Variants in MEGF10 observed in about 807,000 individuals in gnomAD.
MEGF10 encodes multiple EGF like domains 10.
Under a neutral mutation model 147.5 loss-of-function variants are expected in MEGF10, and 86 were observed. That is an observed-to-expected ratio of 0.58 (90% confidence interval 0.49 to 0.70). MEGF10 has a LOEUF of 0.70. MEGF10 is among the 30% of genes least tolerant of loss of function. The probability of loss-of-function intolerance (pLI) is 0.00; values close to 1 mark genes in which losing one functional copy is unlikely to be tolerated. For missense variants in MEGF10, 1,329 were observed against 1,487.3 expected (o/e 0.89, Z 1.75); for synonymous variants, 478 against 525.5 (o/e 0.91, Z 1.24).
At position 127,396,773 on chromosome 5, in the gene MEGF10, A is replaced by G. The variant is rs745885631; in HGVS notation, c.654A>G (p.Gly218=). The part of the protein sequence containing the change: ...GECRCPPGYT[G]AFCEDLCPPG... ...GCCGCTGCCCACCAGGATACACCGG[A>G]GCCTTGTAAGTCACATGCTGCCCAG... The change falls in exon 6 of 25, where the codon GGA becomes GGG. Residue 218 remains glycine (G), a synonymous_variant. Coordinates refer to ENST00000503335, the MANE Select transcript of MEGF10 (RefSeq NM_001256545.2). 6.2e-7 allele frequency: 1 copy of G among 1,612,666 alleles called. No homozygotes were observed. Among genetic ancestry groups the G allele is most frequent in the Non-Finnish European group, 8.5e-7 (1 of 1,179,160 alleles).
chr5:127,247,642 G>A, the MEGF10 span, among the ~76,000 whole-genome samples: 1 of 152,000 alleles, frequency 6.6e-6, no homozygotes, highest in Non-Finnish European at 1.5e-5. Context: ...GACCATTTTA[G>A]GCATTGGAAA....
At chr5:127,307,307 C>G (rs914709073) in intron 1 of MEGF10, among the ~76,000 whole-genome samples, 6 of 152,178 alleles carry the variant, frequency 3.9e-5, no homozygotes, top group African/African-American at 1.4e-4. Context: ...GTGAACTTGA[C>G]TAGGGAGCCT....
At chr5:127,415,890 C>A (rs1250668723) in intron 9 of MEGF10, among the ~76,000 whole-genome samples, 3 of 130,404 alleles carry the variant, frequency 2.3e-5, no homozygotes, top group Non-Finnish European at 3.2e-5. Flanking sequence ...GAGAAAGACT[C>A]CATCTCAAAA....
the MEGF10 span, among the ~76,000 whole-genome samples, chr5:127,265,592 A>G: frequency 1.2e-4 from 19 of 152,068 alleles, no homozygotes; most frequent in African/African-American, 4.3e-4. Context: ...TTGTTTCCTG[A>G]CTTTTTAATG....
intron 10 of MEGF10, 141 bp downstream of exon 10, chr5:127,417,953 G>T: frequency 1.2e-6 from 1 of 846,126 alleles, no homozygotes; most frequent in Non-Finnish European, 1.7e-6. Context: ...GAAAATGAGG[G>T]GAAAAATGCT....
chr5:127,455,569 A>G lies in MEGF10; in HGVS notation c.3194A>G (p.Asn1065Ser), dbSNP rs770189857. ...ARRDSPYAEI[N>S]NSTSANRNVY... The stretch of plus-strand genomic sequence containing the variant: ...AGAGATTCCCCATATGCAGAGATCA[A>G]TAACTCAACTTCAGCCAACAGGAAT... The change falls in exon 24 of 25, where the codon AAT (asparagine) becomes AGT (serine). Residue 1065 changes from asparagine (N) to serine (S), a missense_variant. By Grantham distance (46) the Asn-to-Ser change is conservative. Transcript: ENST00000503335. 3.1e-6 allele frequency: 5 copies of G among 1,614,188 alleles called. No homozygotes were observed. Among genetic ancestry groups the G allele is most frequent in the Non-Finnish European group, 4.2e-6 (5 of 1,180,024 alleles).
the MEGF10 span, among the ~76,000 whole-genome samples, chr5:127,249,264 A>G: frequency 2.0e-5 from 3 of 152,020 alleles, no homozygotes; most frequent in East Asian, 5.8e-4. Flanking sequence ...GAAGTGTTAC[A>G]GTATTAATTA....
chr5:127,281,490 C>T, the MEGF10 span, among the ~76,000 whole-genome samples: 1 of 152,186 alleles, frequency 6.6e-6, no homozygotes, highest in African/African-American at 2.4e-5. Flanking sequence ...ATTATATCCA[C>T]TTTTTCACTC....
intron 4 of MEGF10, among the ~76,000 whole-genome samples, chr5:127,346,490 G>T (rs548666088): frequency 6.6e-6 from 1 of 152,140 alleles, no homozygotes; most frequent in East Asian, 1.9e-4. Context: ...ATGTTTGTTG[G>T]CCATTTATAT....
chr5:127,436,311 C>A (rs538527999), intron 16 of MEGF10, among the ~76,000 whole-genome samples: 1 of 152,208 alleles, frequency 6.6e-6, no homozygotes, highest in East Asian at 1.9e-4. Context: ...AATTGATGAG[C>A]AATATATTTT....
chr5:127,366,794 T>C (rs1042675571), intron 4 of MEGF10, among the ~76,000 whole-genome samples: 3 of 152,232 alleles, frequency 2.0e-5, no homozygotes, highest in African/African-American at 7.2e-5. Flanking sequence ...CATGAGAACA[T>C]TGTGTGATTA....
intron 23 of MEGF10, 33 bp downstream of exon 23, chr5:127,454,643 C>G: frequency 1.3e-6 from 2 of 1,576,354 alleles, no homozygotes; most frequent in Middle Eastern, 1.7e-4. Flanking sequence ...AAATCAGAAG[C>G]ACAATTAAAT....
intron 11 of MEGF10, 71 bp from the exon 12 acceptor site, chr5:127,419,973 G>A (rs1764928691): frequency 1.3e-6 from 2 of 1,547,454 alleles, no homozygotes; most frequent in South Asian, 1.2e-5. Flanking sequence ...GAGAAACGTG[G>A]TTTGGAAAGG....
At chr5:127,305,769 A>G (rs1561559329) in intron 1 of MEGF10, among the ~76,000 whole-genome samples, 1 of 152,210 alleles carries the variant, frequency 6.6e-6, no homozygotes, top group Non-Finnish European at 1.5e-5. Flanking sequence ...GTGCCTCACT[A>G]AAGTCCATGG....
chr5:127,396,896 G>A, intron 6 of MEGF10, 118 bp downstream of exon 6: 1 of 1,430,814 alleles, frequency 7.0e-7, no homozygotes, highest in East Asian at 2.3e-5. Context: ...AGTTACTGAT[G>A]GGTCTAGGCT....
At chr5:127,380,866 G>A (rs756786533) in intron 5 of MEGF10, among the ~76,000 whole-genome samples, 1 of 152,128 alleles carries the variant, frequency 6.6e-6, no homozygotes, top group African/African-American at 2.4e-5. Flanking sequence ...GCCATAGACT[G>A]GTAGCTGCAA....
At chr5:127,347,553 G>C (rs1233078934) in intron 4 of MEGF10, among the ~76,000 whole-genome samples, 1 of 152,006 alleles carries the variant, frequency 6.6e-6, no homozygotes, top group Non-Finnish European at 1.5e-5. Flanking sequence ...GAAGCAAGAA[G>C]TATGATTAGT....
chr5:127,359,057 TG>T (rs1375707280), intron 4 of MEGF10, among the ~76,000 whole-genome samples: 5 of 148,860 alleles, frequency 3.4e-5, no homozygotes, highest in East Asian at 1.9e-4. Flanking sequence ...CAAGCTGTTT[TG>T]TTTTTTTTTT....
chr5:127,392,060 A>G (rs369155262), intron 5 of MEGF10, among the ~76,000 whole-genome samples: 13 of 152,208 alleles, frequency 8.5e-5, no homozygotes, highest in East Asian at 7.7e-4. Context: ...TGGAAAATAG[A>G]TAATGCCATT....
Sources: gnomAD v4.1 joint callset for allele counts (sites outside exome capture counted in the v4.1 genomes callset) on GRCh38, gnomAD v4.1.1 for gene constraint, MANE v1.5 for transcripts, NCBI Gene and HGNC (gene_info 2026-07-23, HGNC 2026-07-21) for gene names.